HTT: variants seen among roughly 807,000 people sequenced by gnomAD.
The protein encoded by HTT is huntington disease protein.
Under a neutral mutation model 362.3 loss-of-function variants are expected in HTT, and 104 were observed. The ratio of observed to expected loss-of-function variants is 0.29; its 90% confidence interval spans 0.24 to 0.34. The LOEUF (loss-of-function observed/expected upper bound fraction) is 0.34. Among genes scored for constraint, HTT ranks in the 10% least tolerant of loss-of-function variants. The pLI, the probability that HTT is intolerant of heterozygous loss-of-function variation, is 1.00. For missense variants in HTT, 3,301 were observed against 3,928.6 expected, an observed-to-expected ratio of 0.84 and a Z score of 4.27; for synonymous variants, 1,577 against 1,548.7, an observed-to-expected ratio of 1.02 and a Z score of -0.43.
intron 3 of HTT, among the ~76,000 whole-genome samples, chr4:3,101,614 A>G (rs1714161836): frequency 6.6e-6 from 1 of 152,212 alleles, no homozygotes; most frequent in Admixed American, 6.5e-5. Context: ...CTGTGTGTGT[A>G]TGGTGAAAAC....
rs931539319 is a variant in HTT at position 3,127,388 on chromosome 4, AGTGGATCTG to A, written c.1529_1537del (p.Val510_Leu512del). ...CACAGCACACACTGCAGGCGGACTCAGTGGATCTGGCCAGCTGTGACTTGACAAGCTCTG... is the reference window on the plus strand; with the variant it reads ...CACAGCACACACTGCAGGCGGACTCAGCCAGCTGTGACTTGACAAGCTCTG... On this transcript the variant is annotated inframe_deletion, in exon 12 of 67. Transcript: ENST00000355072. The A allele has an allele frequency of 3.1e-6, 5 of 1,614,024 alleles. No homozygotes were observed. In the African/African-American group the frequency reaches 6.7e-5, roughly 22 times the overall value.
chr4:3,087,578 C>G (rs531207017), intron 2 of HTT, among the ~76,000 whole-genome samples: 2 of 152,318 alleles, frequency 1.3e-5, no homozygotes, highest in African/African-American at 4.8e-5. Context: ...TTTTGACTAT[C>G]TTTCTGACCG....
At chr4:3,229,796 C>A in intron 59 of HTT, 91 bp from the exon 60 acceptor site, 1 of 1,355,110 alleles carries the variant, frequency 7.4e-7, no homozygotes, top group Non-Finnish European at 1.0e-6. Flanking sequence ...GGTGTAAGAA[C>A]ACGACTTGCC....
intron 10 of HTT, chr4:3,123,259 A>G (rs1475606348): frequency 4.5e-6 from 1 of 223,610 alleles, no homozygotes; most frequent in African/African-American, 2.3e-5. Context: ...TATGGGCCAT[A>G]TGGTCTCTTT....
At chr4:3,174,694 T>C (rs1718151040) in intron 31 of HTT, 27 bp from the exon 32 acceptor site, 1 of 1,562,402 alleles carries the variant, frequency 6.4e-7, no homozygotes, top group Non-Finnish European at 8.8e-7. Context: ...TCTCATTCTC[T>C]GCTTCCCTTT....
At chr4:3,187,061 G>A (rs772340966) in intron 38 of HTT, among the ~76,000 whole-genome samples, 3 of 151,214 alleles carry the variant, frequency 2.0e-5, no homozygotes, top group East Asian at 1.9e-4. Flanking sequence ...GGGTTTCACC[G>A]TGTTAGCCAG....
At chr4:3,235,476 T>G in intron 62 of HTT, 78 bp downstream of exon 62, 1 of 1,508,904 alleles carries the variant, frequency 6.6e-7, no homozygotes, top group Non-Finnish European at 9.2e-7. Context: ...ATCATACCAG[T>G]GGGCCAGTTT....
chr4:3,235,321 A>T lies in HTT; in HGVS notation c.8494A>T (p.Met2832Leu), dbSNP rs1191300430. ...TCACAGCCAGCAGCACGTACTGGTC[A>T]TGTGTGCCACTGCGTTTTACCTCAT... ...NIHSQQHVLV[M>L]CATAFYLIEN... Residue 2832 changes from methionine (M) to leucine (L), a missense_variant, in exon 62 of 67, where the codon ATG becomes TTG. Around this residue, in one of 4 missense-constraint regions of HTT, gnomAD observed 753 missense variants for 1,021.3 expected, o/e 0.74. Coordinates refer to ENST00000355072, the MANE Select transcript of HTT (RefSeq NM_001388492.1). 1.2e-6 allele frequency: 2 copies of T among 1,614,012 alleles called. No homozygotes were observed. The highest frequency in any genetic ancestry group is 1.7e-6 in the Non-Finnish European group (2 of 1,179,880).
chr4:3,235,180 C>A, intron 61 of HTT, 104 bp from the exon 62 acceptor site: 1 of 834,668 alleles, frequency 1.2e-6, no homozygotes, highest in South Asian at 1.5e-5. Flanking sequence ...CGGGAGCCCG[C>A]CTGGCCCATA....
intron 3 of HTT, among the ~76,000 whole-genome samples, chr4:3,102,825 C>T (rs1285468979): frequency 6.6e-6 from 1 of 152,156 alleles, no homozygotes; most frequent in African/African-American, 2.4e-5. Flanking sequence ...GACTTTGTGC[C>T]GTTAGCATCG....
chr4:3,150,214 C>T (rs1422593752), intron 26 of HTT, among the ~76,000 whole-genome samples: 1 of 152,172 alleles, frequency 6.6e-6, no homozygotes, highest in Non-Finnish European at 1.5e-5. Flanking sequence ...ATAGCTATGC[C>T]AGGCAAGACA....
chr4:3,075,857 G>A (rs935155736), intron 1 of HTT, among the ~76,000 whole-genome samples: 3 of 149,654 alleles, frequency 2.0e-5, no homozygotes, highest in African/African-American at 7.6e-5. Flanking sequence ...AATGAGTTGT[G>A]GTTGCCAAGT....
rs542258911 is a variant in HTT, at chr4:3,206,003, C to G, written c.5719-493C>G. Among the ~76,000 whole-genome samples the G allele has an allele frequency of 1.3e-5, 2 of 152,324 alleles. No homozygotes were observed. The highest frequency in any genetic ancestry group is 1.9e-4 in the East Asian group (1 of 5,196). Reference sequence around the variant, plus strand: ...CATTCATATTTTGGATTCAACAGTTCTGTCAAAACTGTGGCAGTGATAGGG... The same window carrying G: ...CATTCATATTTTGGATTCAACAGTTGTGTCAAAACTGTGGCAGTGATAGGG... On this transcript the variant is annotated intron_variant, in intron 42 of 66. Transcript: ENST00000355072. This position sits in a 1 kb window ranked among gnomAD's most constrained non-coding sequence, Gnocchi z 4.6.
intron 27 of HTT, among the ~76,000 whole-genome samples, chr4:3,155,575 A>G (rs367758723): frequency 6.6e-6 from 1 of 150,996 alleles, no homozygotes; most frequent in South Asian, 2.1e-4. Flanking sequence ...AATATACAAC[A>G]TGATGTTTGA....
chr4:3,160,150 C>T, intron 28 of HTT, 132 bp from the exon 29 acceptor site: 1 of 609,550 alleles, frequency 1.6e-6, no homozygotes, highest in South Asian at 2.0e-5. Context: ...GCAGACACAC[C>T]CTGCAAGGTG....
chr4:3,186,543 A>G, intron 37 of HTT, 54 bp from the exon 38 acceptor site: 1 of 1,596,052 alleles, frequency 6.3e-7, no homozygotes, highest in South Asian at 1.1e-5. Flanking sequence ...GTGTACAGGA[A>G]GCTGTCGTTT....
At chr4:3,200,899 C>T (rs999544256) in intron 41 of HTT, among the ~76,000 whole-genome samples, 1 of 152,208 alleles carries the variant, frequency 6.6e-6, no homozygotes, top group Non-Finnish European at 1.5e-5. Context: ...TTCTGTGCTG[C>T]TTTAACGTGC....
chr4:3,121,469 T>G, intron 9 of HTT, 37 bp downstream of exon 9: 2 of 1,428,132 alleles, frequency 1.4e-6, no homozygotes, highest in Non-Finnish European at 9.9e-7. Flanking sequence ...ACAATTAACT[T>G]TGCAGTAATA....
intron 40 of HTT, among the ~76,000 whole-genome samples, chr4:3,193,807 G>A (rs1169879641): frequency 1.3e-5 from 2 of 152,202 alleles, no homozygotes; most frequent in Non-Finnish European, 2.9e-5. Flanking sequence ...GCTCCTGTAT[G>A]AGACAGTGCA....
Sources: gnomAD v4.1 joint callset for allele counts (sites outside exome capture counted in the v4.1 genomes callset) on GRCh38, gnomAD v4.1.1 for gene constraint, gnomAD v4.1.1 regional missense constraint, Gnocchi (gnomAD v3.1) non-coding constraint, MANE v1.5 for transcripts, NCBI Gene and HGNC (gene_info 2026-07-23, HGNC 2026-07-21) for gene names.